LIPA: variants seen among roughly 807,000 people sequenced by gnomAD.
LIPA encodes lysosomal acid lipase/cholesteryl ester hydrolase.
A neutral mutation model predicts 40.6 loss-of-function variants in LIPA; 26 were observed. The ratio of observed to expected loss-of-function variants is 0.64; its 90% CI spans 0.47 to 0.89. The LOEUF is 0.89. LIPA is among the 40% of genes least tolerant of loss of function. The probability of loss-of-function intolerance (pLI) is 0.00; values close to 1 mark genes in which losing one functional copy is unlikely to be tolerated. For missense variants in LIPA, 455 were observed against 479.6 expected (o/e 0.95, Z 0.48); for synonymous variants, 188 against 168.4 (o/e 1.12, Z -0.90).
intron 2 of LIPA, among the ~76,000 whole-genome samples, chr10:89,359,827 A>G (rs1223273438): frequency 6.6e-6 from 1 of 150,980 alleles, no homozygotes; most frequent in African/African-American, 2.4e-5. Flanking sequence ...ACACACACAC[A>G]CACACACACA....
At chr10:89,385,869 AGATCACAAATT>A (rs1352553489) in intron 2 of LIPA, among the ~76,000 whole-genome samples, 1 of 152,258 alleles carries the variant, frequency 6.6e-6, no homozygotes, top group Non-Finnish European at 1.5e-5. Flanking sequence ...AGCTTTGCTA[AGATCACAAATT>A]CTTGGAGTGT....
At chr10:89,290,078 T>TA (rs202086310) in intron 1 of LIPA, among the ~76,000 whole-genome samples, 2,079 of 151,392 alleles carry the variant, frequency 0.014, 45 homozygotes, top group African/African-American at 0.048. Context: ...ATGACAACAA[T>TA]AAAAAAAACT....
chr10:89,376,174 C>T (rs11203097), intron 2 of LIPA, among the ~76,000 whole-genome samples: 3,810 of 120,058 alleles, frequency 0.032, 85 homozygotes, highest in Middle Eastern at 0.084. Context: ...GGTGATACAG[C>T]GAGACTCTAT....
intron 1 of LIPA, chr10:89,302,278 G>A (rs1227548219): frequency 3.7e-6 from 3 of 818,726 alleles, no homozygotes; most frequent in Non-Finnish European, 6.0e-6. Flanking sequence ...TTGTAAATCT[G>A]TCTTACCAAT....
At chr10:89,282,656 A>G (rs1843322376) in intron 1 of LIPA, among the ~76,000 whole-genome samples, 1 of 152,082 alleles carries the variant, frequency 6.6e-6, no homozygotes, top group Non-Finnish European at 1.5e-5. Flanking sequence ...AATAAAAAAA[A>G]AAGAAAGAAA....
At chr10:89,224,869 T>C (rs772634963) in intron 6 of LIPA, among the ~76,000 whole-genome samples, 2 of 152,212 alleles carry the variant, frequency 1.3e-5, no homozygotes, top group African/African-American at 4.8e-5. Context: ...TACTGACACA[T>C]GCTAACCATG....
intron 2 of LIPA, among the ~76,000 whole-genome samples, chr10:89,352,471 C>T (rs1472240963): frequency 2.6e-5 from 4 of 152,130 alleles, no homozygotes; most frequent in Non-Finnish European, 5.9e-5. Context: ...TATAGCTTAT[C>T]GAATATGTGT....
intron 1 of LIPA, among the ~76,000 whole-genome samples, chr10:89,322,104 G>T (rs1843575155): frequency 6.6e-6 from 1 of 152,146 alleles, no homozygotes; most frequent in African/African-American, 2.4e-5. Flanking sequence ...AGCATTAGGA[G>T]ATATACCTAA....
In LIPA at chr10:89,214,579, A is replaced by C. The variant is rs1480262783; in HGVS notation, c.*249T>G. 1 of 430,282 alleles carries C rather than the reference A, an allele frequency of 2.3e-6. No homozygotes were observed. The highest frequency in any genetic ancestry group is 2.0e-5 in the African/African-American group (1 of 50,096). 26.7% of individuals were successfully genotyped at this position (430,282 alleles called of 1,614,324 possible). A position where few individuals can be genotyped will look rare whatever the true frequency, so the allele number is the denominator to read the frequency against. On this transcript the variant is annotated 3_prime_UTR_variant, in exon 10 of 10. Coordinates refer to ENST00000336233, the MANE Select transcript of LIPA (RefSeq NM_000235.4). ...CCTTTTTACACATCAGTGATATTTA[A>C]AAGACTTAAAGAGACAATACTATGG...
chr10:89,229,472 C>T (rs192769212), intron 3 of LIPA, among the ~76,000 whole-genome samples: 472 of 152,208 alleles, frequency 3.1e-3, no homozygotes, highest in African/African-American at 4.0e-3. Context: ...CTGTAGTGGC[C>T]GGGTGTGGTG....
chr10:89,317,732 C>T (rs1843548854), intron 1 of LIPA, among the ~76,000 whole-genome samples: 1 of 152,146 alleles, frequency 6.6e-6, no homozygotes, highest in South Asian at 2.1e-4. Flanking sequence ...CAAAGATATT[C>T]CTCGAGAAGA....
At chr10:89,319,688 G>C (rs1381998443) in intron 1 of LIPA, among the ~76,000 whole-genome samples, 1 of 152,192 alleles carries the variant, frequency 6.6e-6, no homozygotes, top group Non-Finnish European at 1.5e-5. Context: ...TAGAAAAAGA[G>C]GGAATCCTCC....
chr10:89,389,185 A>G (rs1325835527), intron 2 of LIPA, among the ~76,000 whole-genome samples: 1 of 152,250 alleles, frequency 6.6e-6, no homozygotes, highest in East Asian at 1.9e-4. Context: ...ATTATAAATT[A>G]AAAAGAGAAA....
intron 2 of LIPA, among the ~76,000 whole-genome samples, chr10:89,348,769 T>C (rs1291424635): frequency 6.6e-6 from 1 of 152,332 alleles, no homozygotes; most frequent in East Asian, 1.9e-4. Context: ...GAATTTCCCT[T>C]GAAGGAACTT....
chr10:89,305,783 C>G (rs1843474066), intron 1 of LIPA, among the ~76,000 whole-genome samples: 1 of 152,156 alleles, frequency 6.6e-6, no homozygotes, highest in Non-Finnish European at 1.5e-5. Context: ...TCCCTAAACT[C>G]CTGCTACCAC....
At chr10:89,332,828 G>A (rs1039295229) in intron 1 of LIPA, among the ~76,000 whole-genome samples, 1 of 152,142 alleles carries the variant, frequency 6.6e-6, no homozygotes, top group Non-Finnish European at 1.5e-5. Flanking sequence ...ACAGGGAAAT[G>A]GGAGCTGGGA....
chr10:89,310,423 G>C (rs1047761563), intron 1 of LIPA, among the ~76,000 whole-genome samples: 3 of 152,190 alleles, frequency 2.0e-5, no homozygotes, highest in Non-Finnish European at 4.4e-5. Flanking sequence ...CTTGTGTTAG[G>C]ATCCCTACCA....
chr10:89,249,853 T>C (rs1564766956), intron 1 of LIPA, among the ~76,000 whole-genome samples: 1 of 152,210 alleles, frequency 6.6e-6, no homozygotes, highest in Admixed American at 6.5e-5. Flanking sequence ...CAAAAACTTA[T>C]ACAATTGTAC....
At chr10:89,220,367 T>C (rs1398133601) in intron 8 of LIPA, among the ~76,000 whole-genome samples, 2 of 152,050 alleles carry the variant, frequency 1.3e-5, no homozygotes, top group Non-Finnish European at 2.9e-5. Context: ...TTTAGGAAAA[T>C]GTCCATTAGG....
Sources: allele counts gnomAD v4.1 joint callset (sites outside exome capture counted in the v4.1 genomes callset), GRCh38; gene constraint gnomAD v4.1.1; transcripts MANE v1.5; gene names NCBI Gene and HGNC (gene_info 2026-07-23, HGNC 2026-07-21).